Variants in BRIP1 observed in about 807,000 individuals in gnomAD.
BRIP1 encodes BRCA1 interacting DNA helicase 1, also known as Fanconi anemia group J protein.
BRIP1 carries 88 observed loss-of-function variants against 119.7 expected under a neutral mutation model. That is an observed-to-expected ratio of 0.74 (90% CI 0.62 to 0.88). The LOEUF is 0.88. BRIP1 is among the 40% of genes least tolerant of loss of function. The pLI is 0.00. For missense variants in BRIP1, 1,259 were observed against 1,455.4 expected, an observed-to-expected ratio of 0.87 and a Z score of 2.20; for synonymous variants, 443 against 496.5, an observed-to-expected ratio of 0.89 and a Z score of 1.43.
rs190223890 is a variant in BRIP1 at position 61,765,231 on chromosome 17, G to A, written c.2097+11170C>T. 3.4e-4 allele frequency among the ~76,000 whole-genome samples: 51 copies of A among 149,756 alleles called. No homozygotes were observed. The East Asian group carries it at 0.01, about 29-fold the overall frequency. ...CTGCCTTCTCAAACTAAGTTACCTG[G>A]ACATCCTTGACTCTAGTTTAATCTT... On this transcript the variant is annotated intron_variant, in intron 14 of 19. Coordinates refer to ENST00000259008, the MANE Select transcript of BRIP1 (RefSeq NM_032043.3).
rs978003886 is a variant in BRIP1, at chr17:61,815,830, T to C, written c.628-7073A>G. Among the ~76,000 whole-genome samples the C allele has an allele frequency of 2.0e-5, 3 of 152,156 alleles. No individual in the cohort carries two copies. The highest frequency in any genetic ancestry group is 6.6e-5 in the Admixed American group (1 of 15,264). On this transcript the variant is annotated intron_variant, in intron 6 of 19. Coordinates refer to ENST00000259008, the MANE Select transcript of BRIP1 (RefSeq NM_032043.3). The surrounding 1 kb of genome is among the most constrained non-coding windows in gnomAD (Gnocchi z 4.1). ...GCTAGTGGTAAAAGGCCAATGAACA[T>C]AGAATTATACTACAAACTTTGAGAC...
At chr17:61,785,351 A>G (rs1312922365) in intron 10 of BRIP1, among the ~76,000 whole-genome samples, 2 of 152,200 alleles carry the variant, frequency 1.3e-5, no homozygotes, top group African/African-American at 2.4e-5. Context: ...AAACAAAATT[A>G]TAAGAAAACA....
rs1405098400 is a variant in BRIP1, at chr17:61,686,591, C to T, written c.2576-426G>A. Among the ~76,000 whole-genome samples the T allele has an allele frequency of 6.6e-6, 1 of 151,934 alleles. No homozygotes were observed. The highest frequency in any genetic ancestry group is 1.5e-5 in the Non-Finnish European group (1 of 67,950). On this transcript the variant is annotated intron_variant, in intron 18 of 19. Transcript: ENST00000259008. This position sits in a 1 kb window ranked among gnomAD's most constrained non-coding sequence, Gnocchi z 5.4. Reference sequence around the variant, plus strand: ...TTTACTCCTTTTGCAAAAATAATTTCAAGATTCTAGTCTCAAGTTTTTTTG... The same window carrying T: ...TTTACTCCTTTTGCAAAAATAATTTTAAGATTCTAGTCTCAAGTTTTTTTG...
In BRIP1 at chr17:61,703,343, T is replaced by C. The variant is rs2144277029; in HGVS notation, c.2493-9831A>G. ...CCTCCCAGTGCTGAGATTATAGGCG[T>C]GAGCCACCACGCCCAGCCACATTGT... On this transcript the variant is annotated intron_variant, in intron 17 of 19. Coordinates refer to ENST00000259008, the MANE Select transcript of BRIP1 (RefSeq NM_032043.3). The surrounding 1 kb of genome is among the most constrained non-coding windows in gnomAD (Gnocchi z 5.0). 2.0e-5 allele frequency among the ~76,000 whole-genome samples: 3 copies of C among 152,312 alleles called. No individual in the cohort carries two copies. Among genetic ancestry groups the C allele is most frequent in the Middle Eastern group, 6.8e-3 (2 of 292 alleles).
intron 4 of BRIP1, among the ~76,000 whole-genome samples, chr17:61,855,696 A>G (rs1229693795): frequency 6.6e-6 from 1 of 152,136 alleles, no homozygotes; most frequent in Non-Finnish European, 1.5e-5. Flanking sequence ...AATTCCTATA[A>G]TTAGCTGAAA....
intron 8 of BRIP1, among the ~76,000 whole-genome samples, chr17:61,800,073 T>C (rs1399875724): frequency 6.6e-6 from 1 of 152,186 alleles, no homozygotes; most frequent in Admixed American, 6.6e-5. Context: ...CCATGCTCTT[T>C]TCTCCAGGTG....
At position 61,804,954 on chromosome 17, in the gene BRIP1, CTGTGTGTGTG is replaced by C. The variant is rs59414906; in HGVS notation, c.919-3490_919-3481del. Reference sequence around the variant, plus strand: ...GGCAGGATGAAATGTCTCTCTCTTTCTGTGTGTGTGTGTGTGTGTGTGTGTGTGTGTGTGT... The same window carrying C: ...GGCAGGATGAAATGTCTCTCTCTTTCTGTGTGTGTGTGTGTGTGTGTGTGT... On this transcript the variant is annotated intron_variant, in intron 7 of 19. Transcript: ENST00000259008. The surrounding 1 kb of genome is among the most constrained non-coding windows in gnomAD (Gnocchi z 4.5). Among the ~76,000 whole-genome samples the C allele has an allele frequency of 0.029, 4,007 of 139,154 alleles. 64 individuals are homozygous for C. Among genetic ancestry groups the C allele is most frequent in the Middle Eastern group, 0.04 (11 of 278 alleles). The allele number at this position is 139,154 out of a possible 152,430, so 91.3% of individuals were successfully genotyped here.
chr17:61,764,320 C>A (rs2077319911), intron 14 of BRIP1, among the ~76,000 whole-genome samples: 1 of 152,184 alleles, frequency 6.6e-6, no homozygotes, highest in Non-Finnish European at 1.5e-5. Context: ...GTGGTCCTTC[C>A]ACCCACTTAC....
Position 61,770,368 on chromosome 17 carries a change from G to T in BRIP1, c.2097+6033C>A, listed in dbSNP as rs2077430592. Among the ~76,000 whole-genome samples the T allele has an allele frequency of 6.6e-6, 1 of 152,140 alleles. No individual in the cohort carries two copies. The highest frequency in any genetic ancestry group is 6.6e-5 in the Admixed American group (1 of 15,260). ...TTCTATTTAAGAATAAGTTTTTAGGGACATTGGAGAGTAACTCAAGTCCAC... is the reference window on the plus strand; with the variant it reads ...TTCTATTTAAGAATAAGTTTTTAGGTACATTGGAGAGTAACTCAAGTCCAC... On this transcript the variant is annotated intron_variant, in intron 14 of 19. Transcript: ENST00000259008. This position sits in a 1 kb window ranked among gnomAD's most constrained non-coding sequence, Gnocchi z 4.7.
At chr17:61,817,941 A>C (rs548284141) in intron 6 of BRIP1, among the ~76,000 whole-genome samples, 1 of 152,328 alleles carries the variant, frequency 6.6e-6, no homozygotes, top group African/African-American at 2.4e-5. Context: ...ACTTTTCTTA[A>C]TCTTTTTTGT....
At chr17:61,786,942 TTA>T (rs1374605779) in intron 10 of BRIP1, among the ~76,000 whole-genome samples, 1 of 112,856 alleles carries the variant, frequency 8.9e-6, no homozygotes, top group Admixed American at 1.1e-4. Flanking sequence ...TATAATATAT[TTA>T]TATATAATAT....
In BRIP1 at chr17:61,805,509, G is replaced by A. The variant is rs890279372; in HGVS notation, c.918+2958C>T. ...TTTCTAGTGTAACCAAAATAGCAAT[G>A]GATGAGGAATCAGAAAATTTGGGTT... is the stretch of plus-strand genomic sequence containing the variant. On this transcript the variant is annotated intron_variant, in intron 7 of 19. Coordinates refer to ENST00000259008, the MANE Select transcript of BRIP1 (RefSeq NM_032043.3). This position sits in a 1 kb window ranked among gnomAD's most constrained non-coding sequence, Gnocchi z 5.6. Among the ~76,000 whole-genome samples the A allele has an allele frequency of 2.0e-5, 3 of 152,112 alleles. No individual in the cohort carries two copies. Among genetic ancestry groups the A allele is most frequent in the Admixed American group, 1.3e-4 (2 of 15,264 alleles).
Position 61,860,333 on chromosome 17 carries a change from C to T in BRIP1, c.94-426G>A, listed in dbSNP as rs115098080. 2.2e-3 allele frequency among the ~76,000 whole-genome samples: 341 copies of T among 152,326 alleles called. 1 individual carries two copies. The highest frequency in any genetic ancestry group is 8.0e-3 in the African/African-American group (331 of 41,574). On this transcript the variant is annotated intron_variant, in intron 2 of 19. Coordinates refer to ENST00000259008, the MANE Select transcript of BRIP1 (RefSeq NM_032043.3). This position sits in a 1 kb window ranked among gnomAD's most constrained non-coding sequence, Gnocchi z 4.1. ...TCCAGCAAGTCCAGTTCTATGTGTA[C>T]ACCCAAAACCTTTCCCACATGAACA...
chr17:61,820,795 C>T (rs2078308835), intron 6 of BRIP1, among the ~76,000 whole-genome samples: 1 of 151,802 alleles, frequency 6.6e-6, no homozygotes, highest in African/African-American at 2.4e-5. Flanking sequence ...ACTAAAAATA[C>T]AAAAATTAGC....
At chr17:61,821,395 G>A (rs1023310127) in intron 6 of BRIP1, among the ~76,000 whole-genome samples, 1 of 152,190 alleles carries the variant, frequency 6.6e-6, no homozygotes, top group Admixed American at 6.5e-5. Context: ...TGGGGGTGGA[G>A]AGGTGAGTTT....
Position 61,768,777 on chromosome 17 carries a change from T to C in BRIP1, c.2097+7624A>G, listed in dbSNP as rs1389097870. 2.0e-5 allele frequency among the ~76,000 whole-genome samples: 3 copies of C among 152,090 alleles called. No individual in the cohort carries two copies. The highest frequency in any genetic ancestry group is 4.4e-5 in the Non-Finnish European group (3 of 68,022). Reference sequence around the variant, plus strand: ...ACTTCCATGATTAGATTATATTATGTAGTAAAGATGAGGGGATTTTATGAA... The same window carrying C: ...ACTTCCATGATTAGATTATATTATGCAGTAAAGATGAGGGGATTTTATGAA... On this transcript the variant is annotated intron_variant, in intron 14 of 19. Transcript: ENST00000259008. The surrounding 1 kb of genome is among the most constrained non-coding windows in gnomAD (Gnocchi z 5.0).
At chr17:61,765,710 C>A (rs1300281758) in intron 14 of BRIP1, among the ~76,000 whole-genome samples, 1 of 151,226 alleles carries the variant, frequency 6.6e-6, no homozygotes, top group Admixed American at 6.6e-5. Context: ...GCTGGGATTA[C>A]AGGCATGAGC....
chr17:61,809,390 T>C lies in BRIP1; in HGVS notation c.628-633A>G, dbSNP rs1194269678. Reference sequence around the variant, plus strand: ...ATATCTGAAATTCAGTTACCTGTCATGGAGTGTAAACCAATCAGTAAAATT... The same window carrying C: ...ATATCTGAAATTCAGTTACCTGTCACGGAGTGTAAACCAATCAGTAAAATT... On this transcript the variant is annotated intron_variant, in intron 6 of 19. Transcript: ENST00000259008. The surrounding 1 kb of genome is among the most constrained non-coding windows in gnomAD (Gnocchi z 5.2). Among the ~76,000 whole-genome samples, 2 of 152,170 alleles carry C rather than the reference T, an allele frequency of 1.3e-5. No homozygotes were observed. The highest frequency in any genetic ancestry group is 2.9e-5 in the Non-Finnish European group (2 of 68,008).
In BRIP1 at chr17:61,775,931, TG is replaced by T. The variant is rs1282749905; in HGVS notation, c.2097+469del. On this transcript the variant is annotated intron_variant, in intron 14 of 19. Coordinates refer to ENST00000259008, the MANE Select transcript of BRIP1 (RefSeq NM_032043.3). The surrounding 1 kb of genome is among the most constrained non-coding windows in gnomAD (Gnocchi z 4.4). ...GAGAGTCTTATTCTGTTGCCCACGC[TG>T]GAGTGCAGGGGTGCAATCATAGCTC... The T allele has an allele frequency of 2.3e-5, 4 of 174,206 alleles. No individual in the cohort carries two copies. Among genetic ancestry groups the T allele is most frequent in the African/African-American group, 9.6e-5 (4 of 41,790 alleles). 10.8% of individuals were successfully genotyped at this position (174,206 alleles called of 1,614,324 possible). A position where few individuals can be genotyped will look rare whatever the true frequency, so the allele number is the denominator to read the frequency against.
Sources: allele counts gnomAD v4.1 joint callset (sites outside exome capture counted in the v4.1 genomes callset), GRCh38; gene constraint gnomAD v4.1.1; non-coding constraint Gnocchi (gnomAD v3.1); transcripts MANE v1.5; gene names NCBI Gene and HGNC (gene_info 2026-07-23, HGNC 2026-07-21).